Variants in EPHA6 observed in about 807,000 individuals in gnomAD.
EPHA6 encodes EPH receptor A6.
In EPHA6, 50 loss-of-function variants were observed where a neutral mutation model predicts 112.0. That is an observed-to-expected ratio of 0.45 (90% CI 0.36 to 0.56). The LOEUF (loss-of-function observed/expected upper bound fraction) is 0.56, where lower values mean the gene tolerates loss of function less well. Among genes scored for constraint, EPHA6 ranks in the 20% least tolerant of loss-of-function variants. EPHA6 has a pLI of 0.00. For synonymous variants in EPHA6, 529 were observed against 490.7 expected, an observed-to-expected ratio of 1.08 and a Z score of -1.03; for missense variants, 1,280 against 1,417.4, an observed-to-expected ratio of 0.90 and a Z score of 1.56.
intron 15 of EPHA6, 92 bp downstream of exon 15, chr3:97,720,502 C>A: frequency 8.7e-7 from 1 of 1,152,512 alleles, no homozygotes; most frequent in Non-Finnish European, 1.2e-6. Flanking sequence ...CTCAGATTGG[C>A]CTTTATCTTC....
At chr3:97,055,237 C>G (rs981250420) in intron 3 of EPHA6, among the ~76,000 whole-genome samples, 3 of 152,066 alleles carry the variant, frequency 2.0e-5, no homozygotes, top group African/African-American at 7.2e-5. Flanking sequence ...CTATTTTTAA[C>G]AAACAAACTT....
chr3:96,928,363 G>A (rs113908742), intron 2 of EPHA6, among the ~76,000 whole-genome samples: 1,646 of 152,134 alleles, frequency 0.011, 26 homozygotes, highest in African/African-American at 0.037. Context: ...TGATTTTTGC[G>A]TTAATTTCAT....
chr3:97,569,766 A>G (rs2093312893), intron 11 of EPHA6, among the ~76,000 whole-genome samples: 2 of 152,212 alleles, frequency 1.3e-5, no homozygotes, highest in African/African-American at 4.8e-5. Flanking sequence ...TAAATTATGA[A>G]CAGTATTTGT....
chr3:97,122,828 G>T (rs905315077), intron 3 of EPHA6, among the ~76,000 whole-genome samples: 2 of 151,914 alleles, frequency 1.3e-5, no homozygotes, highest in Non-Finnish European at 2.9e-5. Flanking sequence ...ACATGTATGT[G>T]TATAAAATAT....
At chr3:96,817,411 A>G (rs1270587382) in intron 1 of EPHA6, among the ~76,000 whole-genome samples, 5 of 151,930 alleles carry the variant, frequency 3.3e-5, no homozygotes, top group Non-Finnish European at 7.4e-5. Context: ...ATTTTTAAAC[A>G]TGGAAAATGG....
intron 11 of EPHA6, among the ~76,000 whole-genome samples, chr3:97,563,214 G>A (rs186869696): frequency 1.1e-4 from 16 of 152,312 alleles, no homozygotes; most frequent in Admixed American, 1.0e-3. Context: ...TATGTTGAAG[G>A]TGAGGGCTGG....
At chr3:97,319,425 T>C (rs1002088044) in intron 5 of EPHA6, among the ~76,000 whole-genome samples, 1 of 151,414 alleles carries the variant, frequency 6.6e-6, no homozygotes, top group African/African-American at 2.4e-5. Context: ...CCCAGCACTT[T>C]GGGAGGCTGA....
At chr3:96,999,420 G>C (rs1291362042) in intron 3 of EPHA6, among the ~76,000 whole-genome samples, 9 of 151,890 alleles carry the variant, frequency 5.9e-5, no homozygotes, top group African/African-American at 2.2e-4. Flanking sequence ...TTAAAGCCTT[G>C]TAGTTGTCTG....
At chr3:97,010,344 A>G (rs1172696299) in intron 3 of EPHA6, among the ~76,000 whole-genome samples, 3 of 152,222 alleles carry the variant, frequency 2.0e-5, no homozygotes, top group Non-Finnish European at 2.9e-5. Flanking sequence ...TTATTCATTT[A>G]CATATTATCT....
At chr3:97,698,295 G>A (rs953970201) in intron 14 of EPHA6, among the ~76,000 whole-genome samples, 1 of 152,058 alleles carries the variant, frequency 6.6e-6, no homozygotes, top group Non-Finnish European at 1.5e-5. Context: ...CGTCGTGACC[G>A]GCAGCCAATA....
intron 3 of EPHA6, among the ~76,000 whole-genome samples, chr3:97,213,445 G>T (rs1285652123): frequency 6.6e-6 from 1 of 152,100 alleles, no homozygotes; most frequent in African/African-American, 2.4e-5. Context: ...GACTGGGCAA[G>T]AGTTAAGCAA....
chr3:97,320,406 T>C (rs1388682261), intron 5 of EPHA6, among the ~76,000 whole-genome samples: 1 of 151,852 alleles, frequency 6.6e-6, no homozygotes, highest in Non-Finnish European at 1.5e-5. Flanking sequence ...AGAAATGTAA[T>C]TGGGGGTCTG....
intron 5 of EPHA6, among the ~76,000 whole-genome samples, chr3:97,350,682 C>G (rs2083765986): frequency 6.6e-6 from 1 of 152,080 alleles, no homozygotes; most frequent in Non-Finnish European, 1.5e-5. Context: ...CTGAACACTT[C>G]TATGATATAG....
chr3:97,447,685 A>G, intron 6 of EPHA6: 1 of 795,992 alleles, frequency 1.3e-6, no homozygotes, highest in Non-Finnish European at 1.5e-6. Context: ...ATAGTGGGCA[A>G]GAGAGACCAT....
At chr3:97,640,948 G>C (rs1471101779) in intron 14 of EPHA6, among the ~76,000 whole-genome samples, 1 of 151,840 alleles carries the variant, frequency 6.6e-6, no homozygotes. Flanking sequence ...GGAGGAGAGA[G>C]AAATAACATA....
At chr3:97,397,535 T>C (rs1413426722) in intron 5 of EPHA6, among the ~76,000 whole-genome samples, 3 of 151,632 alleles carry the variant, frequency 2.0e-5, no homozygotes, top group Non-Finnish European at 3.0e-5. Flanking sequence ...GGGGTTTATA[T>C]TGACCTGTAA....
intron 11 of EPHA6, among the ~76,000 whole-genome samples, chr3:97,539,103 C>CCTTTCTTT (rs763185692): frequency 4.8e-5 from 4 of 83,824 alleles, no homozygotes; most frequent in African/African-American, 1.7e-4. Context: ...TTCCTTCCTT[C>CCTTTCTTT]CTTTCTTTCT....
intron 2 of EPHA6, among the ~76,000 whole-genome samples, chr3:96,897,656 G>C (rs557925547): frequency 6.6e-6 from 1 of 152,146 alleles, no homozygotes; most frequent in Non-Finnish European, 1.5e-5. Flanking sequence ...ACAGAAAGTC[G>C]AATGCAGCTA....
At chr3:97,284,000 T>G in intron 5 of EPHA6, among the ~76,000 whole-genome samples, 1 of 152,202 alleles carries the variant, frequency 6.6e-6, no homozygotes, top group East Asian at 1.9e-4. Flanking sequence ...TATTTTCTAG[T>G]GCTTAAAATA....
Sources: gnomAD v4.1 joint callset for allele counts (sites outside exome capture counted in the v4.1 genomes callset) on GRCh38, gnomAD v4.1.1 for gene constraint, MANE v1.5 for transcripts, NCBI Gene and HGNC (gene_info 2026-07-23, HGNC 2026-07-21) for gene names.